The following DYNC1H1 variants were observed in gnomAD, a reference collection of about 807,000 sequenced individuals.
DYNC1H1 encodes cytoplasmic dynein 1 heavy chain 1.
A neutral mutation model predicts 527.1 loss-of-function variants in DYNC1H1; 51 were observed. The observed-to-expected ratio is 0.10, with a 90% CI of 0.08 to 0.12. The LOEUF (loss-of-function observed/expected upper bound fraction) is 0.12, where lower values mean the gene tolerates loss of function less well. Among genes scored for constraint, DYNC1H1 ranks in the 10% least tolerant of loss-of-function variants. DYNC1H1 has a pLI of 1.00. For synonymous variants in DYNC1H1, 2,189 were observed against 2,278.8 expected (o/e 0.96, Z 1.12); for missense variants, 2,771 against 5,971.8 (o/e 0.46, Z 17.66).
Position 102,011,780 on chromosome 14 carries a change from G to GT in DYNC1H1, c.6619-92dup. On this transcript the variant is annotated intron_variant, in intron 32 of 77. Transcript: ENST00000360184. This position sits in a 1 kb window ranked among gnomAD's most constrained non-coding sequence, Gnocchi z 5.3. ...AAAAAAAAAAAAATCCACACATAAT[G>GT]TTTCTTGCTCACTTTCACAAGAGGT... The GT allele has an allele frequency of 1.5e-6, 2 of 1,332,490 alleles. No individual in the cohort carries two copies. The highest frequency in any genetic ancestry group is 1.1e-6 in the Non-Finnish European group (1 of 932,292). The allele number at this position is 1,332,490 out of a possible 1,614,324, so 82.5% of individuals were successfully genotyped here. A position where few individuals can be genotyped will look rare whatever the true frequency, so the allele number is the denominator to read the frequency against.
At chr14:102,019,214 AC>A (rs1195320623) in intron 41 of DYNC1H1, among the ~76,000 whole-genome samples, 1 of 152,246 alleles carries the variant, frequency 6.6e-6, no homozygotes, top group African/African-American at 2.4e-5. Context: ...CTACGCCTCC[AC>A]CAGCAGCACC....
In DYNC1H1 at chr14:101,985,202, C is replaced by A. The variant is rs939636143; in HGVS notation, c.1462-485C>A. Among the ~76,000 whole-genome samples the A allele has an allele frequency of 6.6e-6, 1 of 152,158 alleles. No individual in the cohort carries two copies. The highest frequency in any genetic ancestry group is 1.5e-5 in the Non-Finnish European group (1 of 68,042). On this transcript the variant is annotated intron_variant, in intron 7 of 77. Coordinates refer to ENST00000360184, the MANE Select transcript of DYNC1H1 (RefSeq NM_001376.5). The surrounding 1 kb of genome is among the most constrained non-coding windows in gnomAD (Gnocchi z 5.9). The stretch of plus-strand genomic sequence containing the variant: ...GTGACTGGAATGCTTTATTTAGTCT[C>A]TTTTTCAGAGAGTCCTTCTCTGTAA...
chr14:102,036,742 A>G lies in DYNC1H1; in HGVS notation c.10908+100A>G. The G allele has an allele frequency of 6.9e-7, 1 of 1,442,300 alleles. No individual in the cohort carries two copies. The highest frequency in any genetic ancestry group is 9.7e-7 in the Non-Finnish European group (1 of 1,027,744). 89.3% of individuals were successfully genotyped at this position (1,442,300 alleles called of 1,614,324 possible). A position where few individuals can be genotyped will look rare whatever the true frequency, so the allele number is the denominator to read the frequency against. On this transcript the variant is annotated intron_variant, in intron 57 of 77. Transcript: ENST00000360184. The surrounding 1 kb of genome is among the most constrained non-coding windows in gnomAD (Gnocchi z 5.6). ...TCAACTTTGTAAGACTTCATTTTGT[A>G]TCAGAAGGATAAAGCTTTGCGGTGG... is the stretch of plus-strand genomic sequence containing the variant.
intron 51 of DYNC1H1, among the ~76,000 whole-genome samples, chr14:102,031,826 T>A (rs1445325565): frequency 6.6e-6 from 1 of 152,012 alleles, no homozygotes; most frequent in Non-Finnish European, 1.5e-5. Flanking sequence ...TGGTGGTGCA[T>A]ACCTGTAATC....
Position 102,012,392 on chromosome 14 carries a change from T to A in DYNC1H1, c.6936T>A (p.Val2312=), listed in dbSNP as rs1292765767. The change falls in exon 34 of 78, where the codon GTT becomes GTA. Residue 2312 remains valine, a synonymous_variant. Transcript: ENST00000360184. The surrounding 1 kb of genome is among the most constrained non-coding windows in gnomAD (Gnocchi z 4.9). The part of the protein sequence containing the change: ...VFDGDVDPEW[V]ENLNSVLDDN... ...ATGGCGATGTGGATCCAGAGTGGGT[T>A]GAGAACTTGAACTCAGTGCTGGATG... 5.6e-6 allele frequency: 9 copies of A among 1,613,876 alleles called. No homozygotes were observed. Among genetic ancestry groups the A allele is most frequent in the Non-Finnish European group, 7.6e-6 (9 of 1,179,756 alleles).
In DYNC1H1 at chr14:102,027,088, C is replaced by A; in HGVS notation, c.8772-86C>A. On this transcript the variant is annotated intron_variant, in intron 44 of 77. Transcript: ENST00000360184. The surrounding 1 kb of genome is among the most constrained non-coding windows in gnomAD (Gnocchi z 7.7). The stretch of plus-strand genomic sequence containing the variant: ...ATACAAGTTCAAGTTAAAACATGTC[C>A]AAAATACTGTAGACACTAGATATGA... 2.1e-6 allele frequency: 3 copies of A among 1,428,994 alleles called. No individual in the cohort carries two copies. The highest frequency in any genetic ancestry group is 3.0e-6 in the Non-Finnish European group (3 of 1,012,658). 88.5% of individuals were successfully genotyped at this position (1,428,994 alleles called of 1,614,324 possible).
At position 101,979,543 on chromosome 14, in the gene DYNC1H1, T is replaced by G; in HGVS notation, c.518+51T>G. On this transcript the variant is annotated intron_variant, in intron 3 of 77. Coordinates refer to ENST00000360184, the MANE Select transcript of DYNC1H1 (RefSeq NM_001376.5). This position sits in a 1 kb window ranked among gnomAD's most constrained non-coding sequence, Gnocchi z 4.6. ...ATTTCACTTAATGTTCACAAGATAG[T>G]ATAGAACTCGGTGTAAAACTTGGGA... 1 of 1,612,744 alleles carries G rather than the reference T, an allele frequency of 6.2e-7. No individual in the cohort carries two copies. The highest frequency in any genetic ancestry group is 1.1e-5 in the South Asian group (1 of 90,808).
Position 102,029,923 on chromosome 14 carries a change from G to A in DYNC1H1, c.9747G>A (p.Glu3249=). 1 of 1,614,150 alleles carries A rather than the reference G, an allele frequency of 6.2e-7. No individual in the cohort carries two copies. The highest frequency in any genetic ancestry group is 8.5e-7 in the Non-Finnish European group (1 of 1,180,034). The change falls in exon 50 of 78, where the codon GAG becomes GAA. Residue 3249 remains glutamate, a synonymous_variant. Transcript: ENST00000360184. This position sits in a 1 kb window ranked among gnomAD's most constrained non-coding sequence, Gnocchi z 5.3. ...AAAAGATGGTGAAAGACCAGCAGGAGGCTGAAAAGAAGAAGGTATGGTGTC... is the reference window on the plus strand; with the variant it reads ...AAAAGATGGTGAAAGACCAGCAGGAAGCTGAAAAGAAGAAGGTATGGTGTC... ...KLKKMVKDQQ[E]AEKKKVMSQE...
At position 102,050,494 on chromosome 14, in the gene DYNC1H1, C is replaced by A. The variant is rs375918532; in HGVS notation, c.13872C>A (p.Phe4624Leu). Residue 4624 changes from phenylalanine (F) to leucine (L), a missense_variant, in exon 78 of 78, where the codon TTC becomes TTA. Around this residue, in one of 32 missense-constraint regions of DYNC1H1, gnomAD observed 106 missense variants for 139.2 expected, o/e 0.76. Transcript: ENST00000360184. ...CAGACCTCATCTTCACCGTGGACTT[C>A]GAAATTGCTACAAAGGAGGATCCTC... ...TRADLIFTVD[F>L]EIATKEDPRS... 6.2e-7 allele frequency: 1 copy of A among 1,614,208 alleles called. No homozygotes were observed. Among genetic ancestry groups the A allele is most frequent in the Admixed American group, 1.7e-5 (1 of 60,010 alleles).
rs781231863 is a variant in DYNC1H1 at position 101,977,796 on chromosome 14, G to A, written c.345-1523G>A. ...CCTGATGTTTAGATTCAGGTTATAC[G>A]ATTTTGGCAGAAATACTATTGTGAC... is the stretch of plus-strand genomic sequence containing the variant. On this transcript the variant is annotated intron_variant, in intron 2 of 77. Transcript: ENST00000360184. Among the ~76,000 whole-genome samples, 8 of 152,218 alleles carry A rather than the reference G, an allele frequency of 5.3e-5. No homozygotes were observed. In the East Asian group the frequency reaches 7.7e-4, roughly 15 times the overall value.
At chr14:102,046,798 GTT>G (rs770862063) in intron 72 of DYNC1H1, among the ~76,000 whole-genome samples, 4 of 142,796 alleles carry the variant, frequency 2.8e-5, no homozygotes, top group Non-Finnish European at 3.1e-5. Context: ...TGCTGGTTCC[GTT>G]TTTTTTTTTT....
In DYNC1H1 at chr14:102,051,403, T is replaced by G. The variant is rs2048809156; in HGVS notation, c.*840T>G. 1 of 152,018 alleles carries G rather than the reference T, an allele frequency of 6.6e-6. No homozygotes were observed. Among genetic ancestry groups the G allele is most frequent in the Non-Finnish European group, 1.5e-5 (1 of 68,162 alleles). 9.4% of individuals were successfully genotyped at this position (152,018 alleles called of 1,614,324 possible). A position where few individuals can be genotyped will look rare whatever the true frequency, so the allele number is the denominator to read the frequency against. On this transcript the variant is annotated 3_prime_UTR_variant, in exon 78 of 78. Transcript: ENST00000360184. The stretch of plus-strand genomic sequence containing the variant: ...GGGAGGCTGAGGCAGGAGAATTGCT[T>G]GAACCTGGGAGGCGGAGGTTGCAGT...
rs1403225351 is a variant in DYNC1H1, at chr14:102,055,146, C to T, written c.*4583C>T. The T allele has an allele frequency of 6.6e-6, 1 of 152,208 alleles. No individual in the cohort carries two copies. The highest frequency in any genetic ancestry group is 1.5e-5 in the Non-Finnish European group (1 of 68,070). The allele number at this position is 152,208 out of a possible 1,614,324, so 9.4% of individuals were successfully genotyped here. A position where few individuals can be genotyped will look rare whatever the true frequency, so the allele number is the denominator to read the frequency against. On this transcript the variant is annotated 3_prime_UTR_variant, in exon 78 of 78. Transcript: ENST00000360184. ...GAAGCCCCCTCCTCTTCACTTCCAC[C>T]CTCTCTCTTCCACCCCTGGAAGTCA...
At position 101,985,722 on chromosome 14, in the gene DYNC1H1, C is replaced by G. The variant is rs770692822; in HGVS notation, c.1497C>G (p.Val499=). 1 of 1,614,192 alleles carries G rather than the reference C, an allele frequency of 6.2e-7. No homozygotes were observed. The highest frequency in any genetic ancestry group is 1.1e-5 in the South Asian group (1 of 91,082). Residue 499 remains valine (V), a synonymous_variant, in exon 8 of 78, where the codon GTC becomes GTG. Transcript: ENST00000360184. The surrounding 1 kb of genome is among the most constrained non-coding windows in gnomAD (Gnocchi z 5.9). ...TAVAQQNQGE[V]PEPQDMKVAE... ...TTGCACAACAGAATCAAGGAGAGGT[C>G]CCTGAACCCCAAGATATGAAAGTGG...
rs2048683179 is a variant in DYNC1H1 at position 102,043,924 on chromosome 14, C to T, written c.12563C>T (p.Ala4188Val). ...TACTTCCTGCTGGCCTGGTTTCATG[C>T]GATCATCCAAGAACGCTTACGATAC... is the stretch of plus-strand genomic sequence containing the variant. Reference protein sequence around the residue: ...RLYFLLAWFHAIIQERLRYAP... With the variant: ...RLYFLLAWFHVIIQERLRYAP... The change falls in exon 70 of 78, where the codon GCG (alanine) becomes GTG (valine). Residue 4188 changes from alanine (A) to valine (V), a missense_variant. By Grantham distance (64) the Ala-to-Val change is moderately conservative. This residue lies in a region of DYNC1H1 where 195 missense variants were observed against 428.6 expected (regional missense o/e 0.45). Transcript: ENST00000360184. The T allele has an allele frequency of 6.2e-7, 1 of 1,614,198 alleles. No homozygotes were observed. Among genetic ancestry groups the T allele is most frequent in the Non-Finnish European group, 8.5e-7 (1 of 1,180,048 alleles).
In DYNC1H1 at chr14:102,044,569, C is replaced by G. The variant is rs770431993; in HGVS notation, c.12903-26C>G. On this transcript the variant is annotated intron_variant, in intron 71 of 77. Coordinates refer to ENST00000360184, the MANE Select transcript of DYNC1H1 (RefSeq NM_001376.5). The surrounding 1 kb of genome is among the most constrained non-coding windows in gnomAD (Gnocchi z 7.1). ...GTCACTCAGAGGTGACCCCTGACAT[C>G]ATTTCCAAATGCACTGGTTTTCTAG... 6.2e-7 allele frequency: 1 copy of G among 1,614,176 alleles called. No homozygotes were observed. Among genetic ancestry groups the G allele is most frequent in the South Asian group, 1.1e-5 (1 of 91,084 alleles).
Position 102,044,515 on chromosome 14 carries a change from G to T in DYNC1H1, c.12902+24G>T, listed in dbSNP as rs759214557. On this transcript the variant is annotated intron_variant, in intron 71 of 77. Transcript: ENST00000360184. The surrounding 1 kb of genome is among the most constrained non-coding windows in gnomAD (Gnocchi z 7.1). Reference sequence around the variant, plus strand: ...AGGTATGCTGCTGCCTGCTGGAATGGAGACAGTTGTGATGTCAGGGCGTCT... The same window carrying T: ...AGGTATGCTGCTGCCTGCTGGAATGTAGACAGTTGTGATGTCAGGGCGTCT... The T allele has an allele frequency of 2.5e-6, 4 of 1,614,042 alleles. No homozygotes were observed. The highest frequency in any genetic ancestry group is 2.7e-5 in the African/African-American group (2 of 74,936).
At position 102,038,941 on chromosome 14, in the gene DYNC1H1, CTTCTGAGAGCATACCT is replaced by C; in HGVS notation, c.11207-57_11207-42del. The C allele has an allele frequency of 6.2e-7, 1 of 1,613,932 alleles. No homozygotes were observed. Among genetic ancestry groups the C allele is most frequent in the Non-Finnish European group, 8.5e-7 (1 of 1,180,024 alleles). On this transcript the variant is annotated intron_variant, in intron 59 of 77. Coordinates refer to ENST00000360184, the MANE Select transcript of DYNC1H1 (RefSeq NM_001376.5). The surrounding 1 kb of genome is among the most constrained non-coding windows in gnomAD (Gnocchi z 7.2). ...GGATGTTCCACGTTTGTGGCAAACA[CTTCTGAGAGCATACCT>C]TTTGAAGGATTATTGCAAACTCTGG...
In DYNC1H1 at chr14:102,009,463, A is replaced by G. The variant is rs960829857; in HGVS notation, c.5978-380A>G. ...TATTTTGATGATGCTAGGAGCAGGT[A>G]ATTCCCATGATGTAAGCCAGTCAGT... On this transcript the variant is annotated intron_variant, in intron 29 of 77. Coordinates refer to ENST00000360184, the MANE Select transcript of DYNC1H1 (RefSeq NM_001376.5). The G allele has an allele frequency of 1.1e-5, 3 of 263,376 alleles. No homozygotes were observed. The Admixed American group carries it at 1.5e-4, about 13-fold the overall frequency. 16.3% of individuals were successfully genotyped at this position (263,376 alleles called of 1,614,324 possible).
Sources: gnomAD v4.1 joint callset for allele counts (sites outside exome capture counted in the v4.1 genomes callset) on GRCh38, gnomAD v4.1.1 for gene constraint, gnomAD v4.1.1 regional missense constraint, Gnocchi (gnomAD v3.1) non-coding constraint, MANE v1.5 for transcripts, NCBI Gene and HGNC (gene_info 2026-07-23, HGNC 2026-07-21) for gene names.